The following GLG1 variants were observed in gnomAD, a reference collection of about 807,000 sequenced individuals.
GLG1 encodes Golgi apparatus protein 1.
GLG1 carries 38 observed loss-of-function variants against 160.5 expected under a neutral mutation model. The ratio of observed to expected loss-of-function variants is 0.24; its 90% CI spans 0.18 to 0.31. The LOEUF (loss-of-function observed/expected upper bound fraction) is 0.31, where lower values mean the gene tolerates loss of function less well. Among genes scored for constraint, GLG1 ranks in the 10% least tolerant of loss-of-function variants. GLG1 has a pLI of 1.00. For synonymous variants in GLG1, 644 were observed against 543.4 expected (o/e 1.19, Z -2.57); for missense variants, 1,373 against 1,505.2 (o/e 0.91, Z 1.45).
At chr16:74,475,879 A>G (rs1364150097) in intron 12 of GLG1, among the ~76,000 whole-genome samples, 3 of 152,166 alleles carry the variant, frequency 2.0e-5, no homozygotes, top group Non-Finnish European at 4.4e-5. Flanking sequence ...GCTAAGAGAA[A>G]CATCCTATTA....
intron 1 of GLG1, among the ~76,000 whole-genome samples, chr16:74,598,993 A>G (rs1484675620): frequency 6.6e-6 from 1 of 152,098 alleles, no homozygotes; most frequent in Non-Finnish European, 1.5e-5. Context: ...AGAAATGCAC[A>G]AAAGAGAAAT....
chr16:74,543,206 C>T (rs1387930844), intron 1 of GLG1, among the ~76,000 whole-genome samples: 3 of 152,146 alleles, frequency 2.0e-5, no homozygotes, highest in African/African-American at 7.2e-5. Context: ...AGTGGACTTC[C>T]ATCTGAATTA....
At chr16:74,586,836 C>G (rs1304963144) in intron 1 of GLG1, among the ~76,000 whole-genome samples, 1 of 151,976 alleles carries the variant, frequency 6.6e-6, no homozygotes, top group East Asian at 1.9e-4. Flanking sequence ...GCTGGGATTA[C>G]AGCCTCCCAC....
Position 74,606,687 on chromosome 16 carries a change from C to G in GLG1, c.408G>C (p.Ala136=). The change falls in exon 1 of 26, where the codon GCG becomes GCC. Residue 136 remains alanine, a synonymous_variant. Transcript: ENST00000422840. ...TCACATCCTGCAGGCACTCGAGCAC[C>G]GCCAGGTTGTTGCTCCAGGTGTGCT... ...CPKHTWSNNL[A]VLECLQDVRE... The G allele has an allele frequency of 6.3e-7, 1 of 1,599,562 alleles. No homozygotes were observed. The highest frequency in any genetic ancestry group is 8.5e-7 in the Non-Finnish European group (1 of 1,170,832).
At position 74,480,867 on chromosome 16, in the gene GLG1, A is replaced by G. The variant is rs533955474; in HGVS notation, c.1674-473T>C. Among the ~76,000 whole-genome samples the G allele has an allele frequency of 1.6e-3, 236 of 152,246 alleles. 3 individuals are homozygous for G. In the South Asian group the frequency reaches 0.016, roughly 10 times the overall value. ...GCACCCAGCCGTGAATTTTGTTCTTAATGAACACACAGTAGTCAGCACTGT... is the reference window on the plus strand; with the variant it reads ...GCACCCAGCCGTGAATTTTGTTCTTGATGAACACACAGTAGTCAGCACTGT... On this transcript the variant is annotated intron_variant, in intron 10 of 25. Transcript: ENST00000422840.
intron 2 of GLG1, among the ~76,000 whole-genome samples, chr16:74,516,431 T>A (rs1162735117): frequency 3.3e-5 from 5 of 151,994 alleles, no homozygotes; most frequent in African/African-American, 7.3e-5. Flanking sequence ...ACATGGAAAC[T>A]GAACAACCTG....
intron 2 of GLG1, among the ~76,000 whole-genome samples, chr16:74,519,433 T>C (rs2017089374): frequency 6.6e-6 from 1 of 152,080 alleles, no homozygotes; most frequent in Admixed American, 6.6e-5. Context: ...TGTATACCTA[T>C]GTAACAAAAC....
chr16:74,504,556 G>A (rs1180573256), intron 3 of GLG1, among the ~76,000 whole-genome samples: 1 of 152,160 alleles, frequency 6.6e-6, no homozygotes, highest in Non-Finnish European at 1.5e-5. Flanking sequence ...CCAAAGTGCT[G>A]GGATTATAAG....
At chr16:74,481,792 C>T (rs949841959) in intron 10 of GLG1, among the ~76,000 whole-genome samples, 1 of 149,122 alleles carries the variant, frequency 6.7e-6, no homozygotes, top group Non-Finnish European at 1.5e-5. Flanking sequence ...AGTGAATCTC[C>T]TTTTTTTTTT....
rs1418559179 is a variant in GLG1 at position 74,528,609 on chromosome 16, C to T, written c.471+3512G>A. On this transcript the variant is annotated intron_variant, in intron 2 of 25. Transcript: ENST00000422840. ...GGTGGATCACCTGAGGTCAGGAGTT[C>T]GAGACCAGCCTGACCAACATGGTGA... Among the ~76,000 whole-genome samples, 4 of 151,626 alleles carry T rather than the reference C, an allele frequency of 2.6e-5. No homozygotes were observed. In the South Asian group the frequency reaches 6.2e-4, roughly 24 times the overall value.
intron 13 of GLG1, chr16:74,474,242 G>A (rs1039486475): frequency 9.1e-6 from 2 of 219,664 alleles, no homozygotes; most frequent in African/African-American, 2.3e-5. Context: ...GTGAGCCACC[G>A]CTCCCGGCCG....
Position 74,496,440 on chromosome 16 carries a change from C to T in GLG1, c.978+1G>A. 6.2e-7 allele frequency: 1 copy of T among 1,603,250 alleles called. No homozygotes were observed. Among genetic ancestry groups the T allele is most frequent in the Non-Finnish European group, 8.5e-7 (1 of 1,170,194 alleles). On this transcript the variant is annotated splice_donor_variant, in intron 5 of 25. Coordinates refer to ENST00000422840, the MANE Select transcript of GLG1 (RefSeq NM_001145667.2). LOFTEE classifies it high-confidence loss of function. ...AAAGAACAGTTTCTGAGCTGACTCACATTTTCACAAAAACGCTCCCGATCA... is the reference window on the plus strand; with the variant it reads ...AAAGAACAGTTTCTGAGCTGACTCATATTTTCACAAAAACGCTCCCGATCA...
chr16:74,599,204 C>T (rs1350898371), intron 1 of GLG1, among the ~76,000 whole-genome samples: 1 of 149,668 alleles, frequency 6.7e-6, no homozygotes, highest in African/African-American at 2.4e-5. Flanking sequence ...AAAAACATCC[C>T]ATTTCTGGAC....
rs760002573 is a variant in GLG1 at position 74,480,320 on chromosome 16, G to C, written c.1748C>G (p.Thr583Ser). Residue 583 changes from threonine to serine, a missense_variant, in exon 11 of 26, where the codon ACC (threonine) becomes AGC (serine). Thr to Ser is a moderately conservative substitution (Grantham distance 58, BLOSUM62 1). Around this residue, in one of 4 missense-constraint regions of GLG1, gnomAD observed 386 missense variants for 388.5 expected, o/e 0.99. Coordinates refer to ENST00000422840, the MANE Select transcript of GLG1 (RefSeq NM_001145667.2). Reference protein sequence around the residue: ...RLCHTHGWNETSEFMPQGAVF... With the variant: ...RLCHTHGWNESSEFMPQGAVF... Reference sequence around the variant, plus strand: ...AGCTCCCTGAGGCATAAATTCACTGGTCTCATTCCAACCGTGGGTGTGGCA... The same window carrying C: ...AGCTCCCTGAGGCATAAATTCACTGCTCTCATTCCAACCGTGGGTGTGGCA... The C allele has an allele frequency of 6.2e-7, 1 of 1,612,846 alleles. No homozygotes were observed. The highest frequency in any genetic ancestry group is 1.1e-5 in the South Asian group (1 of 91,068).
At chr16:74,580,674 A>C (rs1957918748) in intron 1 of GLG1, among the ~76,000 whole-genome samples, 1 of 152,234 alleles carries the variant, frequency 6.6e-6, no homozygotes, top group Admixed American at 6.5e-5. Flanking sequence ...ATGATAAAGT[A>C]AACTACATCA....
chr16:74,597,262 C>G (rs1958327635), intron 1 of GLG1, among the ~76,000 whole-genome samples: 1 of 151,494 alleles, frequency 6.6e-6, no homozygotes, highest in Non-Finnish European at 1.5e-5. Flanking sequence ...GAAACCCCGT[C>G]TCTAGTAAAA....
intron 8 of GLG1, among the ~76,000 whole-genome samples, chr16:74,486,245 G>A (rs2015781567): frequency 1.3e-5 from 2 of 152,088 alleles, no homozygotes; most frequent in Non-Finnish European, 2.9e-5. Context: ...TACTAAACCT[G>A]GTGCTCCCGG....
chr16:74,531,082 C>T (rs1346441273), intron 2 of GLG1, among the ~76,000 whole-genome samples: 1 of 152,060 alleles, frequency 6.6e-6, no homozygotes, highest in Non-Finnish European at 1.5e-5. Flanking sequence ...ATTTTTAAAA[C>T]ATCATTTGGG....
chr16:74,459,851 CTTCT>C (rs1394491227), intron 22 of GLG1, 62 bp from the exon 23 acceptor site: 34 of 793,230 alleles, frequency 4.3e-5, no homozygotes, highest in East Asian at 3.3e-4. Flanking sequence ...CTGACAGTTT[CTTCT>C]TTTTTTTTTT....
Sources: gnomAD v4.1 joint callset for allele counts (sites outside exome capture counted in the v4.1 genomes callset) on GRCh38, gnomAD v4.1.1 for gene constraint, gnomAD v4.1.1 regional missense constraint, MANE v1.5 for transcripts, NCBI Gene and HGNC (gene_info 2026-07-23, HGNC 2026-07-21) for gene names.